The following CERKL variants were observed in gnomAD, a reference collection of about 807,000 sequenced individuals.
CERKL encodes the protein ceramide kinase-like protein.
In CERKL, 61 loss-of-function variants were observed where a neutral mutation model predicts 63.4. That is an observed-to-expected ratio of 0.96 (90% CI 0.78 to 1.19). The LOEUF is 1.19. Ranked by LOEUF, CERKL falls within the 50% of genes most tolerant of loss-of-function variation. CERKL has a pLI of 0.00. For synonymous variants in CERKL, 250 were observed against 230.5 expected, an observed-to-expected ratio of 1.08 and a Z score of -0.77; for missense variants, 675 against 655.5, an observed-to-expected ratio of 1.03 and a Z score of -0.33.
At chr2:181,557,280 A>G (rs1304103108) in intron 5 of CERKL, among the ~76,000 whole-genome samples, 1 of 152,102 alleles carries the variant, frequency 6.6e-6, no homozygotes, top group African/African-American at 2.4e-5. Flanking sequence ...TTTTGTTGCC[A>G]TTGCTTTTGG....
At chr2:181,652,021 G>T (rs555382574) in intron 1 of CERKL, among the ~76,000 whole-genome samples, 2 of 152,094 alleles carry the variant, frequency 1.3e-5, no homozygotes, top group African/African-American at 4.8e-5. Context: ...CAATAAATGG[G>T]AAGATAGTAC....
intron 2 of CERKL, among the ~76,000 whole-genome samples, chr2:181,591,011 C>T (rs1197602084): frequency 2.6e-5 from 4 of 152,060 alleles, no homozygotes; most frequent in Non-Finnish European, 5.9e-5. Context: ...AATGTCCACA[C>T]ATGGGGAAGT....
chr2:181,607,686 T>C (rs1343894560), intron 1 of CERKL, among the ~76,000 whole-genome samples: 3 of 152,194 alleles, frequency 2.0e-5, no homozygotes, highest in Non-Finnish European at 4.4e-5. Context: ...GTCCCCAAAA[T>C]GCTTGGGAGA....
chr2:181,655,211 T>C (rs1688106466), intron 1 of CERKL, among the ~76,000 whole-genome samples: 1 of 152,230 alleles, frequency 6.6e-6, no homozygotes, highest in African/African-American at 2.4e-5. Flanking sequence ...AGGGGTGCAC[T>C]AATTAAACCT....
intron 1 of CERKL, among the ~76,000 whole-genome samples, chr2:181,611,343 T>C (rs1370496658): frequency 6.6e-6 from 1 of 152,096 alleles, no homozygotes; most frequent in African/African-American, 2.4e-5. Context: ...AGTATATTCA[T>C]ATAACAGAAG....
chr2:181,597,138 T>C (rs1685250472), intron 2 of CERKL, among the ~76,000 whole-genome samples: 1 of 152,194 alleles, frequency 6.6e-6, no homozygotes, highest in Non-Finnish European at 1.5e-5. Context: ...TAGAAAGGGT[T>C]CAAATCTCAA....
chr2:181,632,600 C>T (rs550333692), intron 1 of CERKL, among the ~76,000 whole-genome samples: 2 of 152,312 alleles, frequency 1.3e-5, no homozygotes, highest in Non-Finnish European at 2.9e-5. Flanking sequence ...TTCACCCCCA[C>T]GATAGGCAAA....
At chr2:181,582,910 C>T (rs1234763538) in intron 2 of CERKL, among the ~76,000 whole-genome samples, 1 of 152,048 alleles carries the variant, frequency 6.6e-6, no homozygotes, top group Non-Finnish European at 1.5e-5. Context: ...TCTGACTTTC[C>T]CACCAAACCT....
chr2:181,652,942 T>C (rs1234935035), intron 1 of CERKL, among the ~76,000 whole-genome samples: 1 of 152,116 alleles, frequency 6.6e-6, no homozygotes, highest in Non-Finnish European at 1.5e-5. Flanking sequence ...ACCCGGCTAA[T>C]TTTTGTATTT....
chr2:181,624,799 A>G (rs1465513639), intron 1 of CERKL, among the ~76,000 whole-genome samples: 1 of 152,192 alleles, frequency 6.6e-6, no homozygotes, highest in Non-Finnish European at 1.5e-5. Context: ...CAGAATAATG[A>G]AGTTCCCACT....
At chr2:181,565,026 T>C (rs970096744) in intron 4 of CERKL, among the ~76,000 whole-genome samples, 1 of 152,176 alleles carries the variant, frequency 6.6e-6, no homozygotes. Flanking sequence ...CATGTTTTAC[T>C]TACCACATTT....
chr2:181,537,489 C>CT lies in CERKL; in HGVS notation c.*694dup, dbSNP rs140597682. 0.011 allele frequency: 4,906 copies of CT among 453,530 alleles called. 174 individuals carry two copies. The highest frequency in any genetic ancestry group is 0.084 in the African/African-American group (4,211 of 50,008). The allele number at this position is 453,530 out of a possible 1,614,324, so 28.1% of individuals were successfully genotyped here. A position where few individuals can be genotyped will look rare whatever the true frequency, so the allele number is the denominator to read the frequency against. On this transcript the variant is annotated 3_prime_UTR_variant, in exon 13 of 13. Transcript: ENST00000410087. ...TTTAAGAAGACAGGGATGGGTTATT[C>CT]TTTTTTGGCAGGTAGGCTATATAAC... is the stretch of plus-strand genomic sequence containing the variant.
At chr2:181,572,126 C>A (rs373878510) in intron 3 of CERKL, among the ~76,000 whole-genome samples, 4 of 152,198 alleles carry the variant, frequency 2.6e-5, no homozygotes, top group Admixed American at 6.5e-5. Context: ...CTCCGCCCCC[C>A]CTCCCAACTT....
Position 181,550,284 on chromosome 2 carries a change from G to A in CERKL, c.821-576C>T, listed in dbSNP as rs1206986774. 6.6e-6 allele frequency among the ~76,000 whole-genome samples: 1 copy of A among 152,056 alleles called. No homozygotes were observed. Among genetic ancestry groups the A allele is most frequent in the Admixed American group, 6.6e-5 (1 of 15,254 alleles). On this transcript the variant is annotated intron_variant, in intron 5 of 12. Coordinates refer to ENST00000410087, the MANE Select transcript of CERKL (RefSeq NM_201548.5). The surrounding 1 kb of genome is among the most constrained non-coding windows in gnomAD (Gnocchi z 4.5). Reference sequence around the variant, plus strand: ...ATTGAAGAAAATGTTTAATTCAATTGTATTTCCCATGTATGAAGATTTGTA... The same window carrying A: ...ATTGAAGAAAATGTTTAATTCAATTATATTTCCCATGTATGAAGATTTGTA...
chr2:181,585,371 T>C (rs936755371), intron 2 of CERKL, among the ~76,000 whole-genome samples: 1 of 152,154 alleles, frequency 6.6e-6, no homozygotes, highest in Non-Finnish European at 1.5e-5. Flanking sequence ...CGATTTCAAC[T>C]GCATTAAAGA....
rs1309872332 is a variant in CERKL, at chr2:181,588,755, T to G, written c.482-14871A>C. 2.5e-4 allele frequency among the ~76,000 whole-genome samples: 38 copies of G among 152,208 alleles called. 1 individual carries two copies. The highest frequency in any genetic ancestry group is 2.5e-3 in the Admixed American group (38 of 15,282). On this transcript the variant is annotated intron_variant, in intron 2 of 12. Transcript: ENST00000410087. ...TCTCCACACCCCACCAATACTTATCTTTTATCTTTCTGATAACAGCCATTC... is the reference window on the plus strand; with the variant it reads ...TCTCCACACCCCACCAATACTTATCGTTTATCTTTCTGATAACAGCCATTC...
At chr2:181,612,262 TTTTG>T (rs1166495130) in intron 1 of CERKL, among the ~76,000 whole-genome samples, 1 of 152,194 alleles carries the variant, frequency 6.6e-6, no homozygotes, top group African/African-American at 2.4e-5. Context: ...CTGTCATCTG[TTTTG>T]TTTTTTATTA....
At chr2:181,599,028 T>A (rs1252621736) in intron 2 of CERKL, among the ~76,000 whole-genome samples, 2 of 152,134 alleles carry the variant, frequency 1.3e-5, no homozygotes, top group Non-Finnish European at 2.9e-5. Flanking sequence ...TCTATAGCAA[T>A]GGATCCTAAC....
At position 181,593,305 on chromosome 2, in the gene CERKL, G is replaced by A. The variant is rs74383478; in HGVS notation, c.481+10532C>T. On this transcript the variant is annotated intron_variant, in intron 2 of 12. Transcript: ENST00000410087. ...AGAGGACCCATCCATGCTATCTAGC[G>A]TGATCATCCTTCCCACATATCTGGT... Among the ~76,000 whole-genome samples, 548 of 152,224 alleles carry A rather than the reference G, an allele frequency of 3.6e-3. 5 individuals carry two copies. The highest frequency in any genetic ancestry group is 0.023 in the South Asian group (110 of 4,822).
Sources: gnomAD v4.1 joint callset for allele counts (sites outside exome capture counted in the v4.1 genomes callset) on GRCh38, gnomAD v4.1.1 for gene constraint, Gnocchi (gnomAD v3.1) non-coding constraint, MANE v1.5 for transcripts, NCBI Gene and HGNC (gene_info 2026-07-23, HGNC 2026-07-21) for gene names.